PACRG: variants seen among roughly 807,000 people sequenced by gnomAD.
The protein encoded by PACRG is parkin coregulated.
PACRG carries 29 observed loss-of-function variants against 29.7 expected under a neutral mutation model. The observed-to-expected ratio is 0.98, with a 90% CI of 0.73 to 1.33. PACRG has a LOEUF of 1.33. PACRG is among the 40% of genes most tolerant of loss of function. PACRG has a pLI of 0.00. For missense variants in PACRG, 279 were observed against 316.2 expected, an observed-to-expected ratio of 0.88 and a Z score of 0.89; for synonymous variants, 116 against 118.7, an observed-to-expected ratio of 0.98 and a Z score of 0.15.
chr6:162,867,439 T>C (rs771271845), intron 2 of PACRG, among the ~76,000 whole-genome samples: 3 of 152,072 alleles, frequency 2.0e-5, no homozygotes, highest in Non-Finnish European at 2.9e-5. Context: ...GTGGCCTTCA[T>C]CCCCTGCACC....
In PACRG at chr6:162,965,092, G is replaced by C. The variant is rs144611052; in HGVS notation, c.292-97058G>C. Among the ~76,000 whole-genome samples the C allele has an allele frequency of 5.4e-3, 827 of 152,346 alleles. 6 individuals are homozygous for C. Among genetic ancestry groups the C allele is most frequent in the African/African-American group, 0.018 (760 of 41,576 alleles). The stretch of plus-strand genomic sequence containing the variant: ...ACTCACAGCTGGAGTTGGGTAGGGT[G>C]CGAGTAGACACATGGACGAAGGGTT... On this transcript the variant is annotated intron_variant, in intron 2 of 4. Coordinates refer to ENST00000366888, the MANE Select transcript of PACRG (RefSeq NM_001080379.2).
At chr6:163,129,387 C>T (rs928986734) in intron 4 of PACRG, among the ~76,000 whole-genome samples, 16 of 152,158 alleles carry the variant, frequency 1.1e-4, no homozygotes, top group African/African-American at 3.1e-4. Flanking sequence ...TACCTGAGTA[C>T]CTGCCACTGG....
intron 1 of PACRG, among the ~76,000 whole-genome samples, chr6:162,811,717 G>A (rs1477514959): frequency 1.3e-5 from 2 of 152,082 alleles, no homozygotes; most frequent in East Asian, 3.9e-4. Flanking sequence ...ACCTTTAAAG[G>A]TGGATGGGTA....
intron 4 of PACRG, among the ~76,000 whole-genome samples, chr6:163,256,867 C>G (rs552994255): frequency 6.6e-6 from 1 of 152,114 alleles, no homozygotes; most frequent in Non-Finnish European, 1.5e-5. Context: ...GCCAAAAGTC[C>G]GAAATCAAGG....
At chr6:162,820,529 T>A (rs981425073) in intron 2 of PACRG, among the ~76,000 whole-genome samples, 7 of 152,204 alleles carry the variant, frequency 4.6e-5, no homozygotes, top group Non-Finnish European at 8.8e-5. Context: ...TAAATCACAC[T>A]GTGATGTGAT....
chr6:162,762,419 C>T (rs765492272), intron 1 of PACRG, among the ~76,000 whole-genome samples: 1 of 152,174 alleles, frequency 6.6e-6, no homozygotes, highest in Non-Finnish European at 1.5e-5. Flanking sequence ...GGACCTTGAC[C>T]TCCTTGTTAA....
At chr6:162,768,030 G>T (rs1317592002) in intron 1 of PACRG, among the ~76,000 whole-genome samples, 1 of 151,928 alleles carries the variant, frequency 6.6e-6, no homozygotes, top group Non-Finnish European at 1.5e-5. Flanking sequence ...CTTTAAATAG[G>T]TGATTGGAGA....
chr6:162,812,010 G>A (rs1786912896), intron 1 of PACRG, among the ~76,000 whole-genome samples: 1 of 152,078 alleles, frequency 6.6e-6, no homozygotes, highest in Non-Finnish European at 1.5e-5. Context: ...ATTCCAAAGG[G>A]TTACATGTTG....
intron 4 of PACRG, among the ~76,000 whole-genome samples, chr6:163,250,546 G>A (rs1394949145): frequency 6.6e-6 from 1 of 152,132 alleles, no homozygotes; most frequent in African/African-American, 2.4e-5. Context: ...CAAGGTAAAC[G>A]ATCATATCGT....
At chr6:163,083,858 T>A (rs1473442081) in intron 3 of PACRG, among the ~76,000 whole-genome samples, 2 of 152,138 alleles carry the variant, frequency 1.3e-5, no homozygotes, top group African/African-American at 4.8e-5. Flanking sequence ...TTTTTCCTGA[T>A]ACCACAATAG....
chr6:162,991,746 G>A (rs1246601070), intron 2 of PACRG, among the ~76,000 whole-genome samples: 4 of 119,080 alleles, frequency 3.4e-5, no homozygotes, highest in Non-Finnish European at 3.3e-5. Context: ...TCTCCTGCCT[G>A]ATTGCCCTGG....
intron 4 of PACRG, among the ~76,000 whole-genome samples, chr6:163,298,474 A>G (rs983173664): frequency 4.6e-5 from 7 of 152,252 alleles, no homozygotes; most frequent in Admixed American, 1.3e-4. Context: ...TGAACAATCA[A>G]TGTGGCAGCC....
At chr6:162,770,493 A>AT (rs559621680) in intron 1 of PACRG, among the ~76,000 whole-genome samples, 31 of 152,214 alleles carry the variant, frequency 2.0e-4, no homozygotes, top group African/African-American at 7.5e-4. Context: ...GCTTTGTTCA[A>AT]TTTTTCAAGC....
chr6:162,776,818 TA>T (rs1309750616), intron 1 of PACRG, among the ~76,000 whole-genome samples: 1 of 152,226 alleles, frequency 6.6e-6, no homozygotes, highest in African/African-American at 2.4e-5. Context: ...ACCCGCTAAG[TA>T]CTCAGGTAAA....
chr6:163,095,664 C>T (rs993366866), intron 4 of PACRG, among the ~76,000 whole-genome samples: 4 of 152,124 alleles, frequency 2.6e-5, no homozygotes, highest in Non-Finnish European at 4.4e-5. Context: ...ACTCCAGTCC[C>T]GCCCCATCTT....
intron 4 of PACRG, among the ~76,000 whole-genome samples, chr6:163,134,931 AC>A (rs1246117073): frequency 6.6e-6 from 1 of 151,952 alleles, no homozygotes; most frequent in Non-Finnish European, 1.5e-5. Flanking sequence ...CCACCTGTGG[AC>A]CCCTCCTGTA....
intron 1 of PACRG, among the ~76,000 whole-genome samples, chr6:162,751,541 G>T (rs946296606): frequency 8.6e-5 from 13 of 152,014 alleles, no homozygotes; most frequent in Non-Finnish European, 1.5e-5. Context: ...TTTACATTCA[G>T]TTGGAAATTT....
At chr6:163,164,114 AT>A (rs1257891205) in intron 4 of PACRG, among the ~76,000 whole-genome samples, 6 of 152,330 alleles carry the variant, frequency 3.9e-5, no homozygotes, top group African/African-American at 9.6e-5. Context: ...CTTAAAAAAA[AT>A]AAGATGTAAA....
In PACRG at chr6:163,210,688, G is replaced by T. The variant is rs77804168; in HGVS notation, c.614-104139G>T. Among the ~76,000 whole-genome samples, 395 of 152,314 alleles carry T rather than the reference G, an allele frequency of 2.6e-3. 1 individual carries two copies. The highest frequency in any genetic ancestry group is 9.2e-3 in the African/African-American group (383 of 41,572). Reference sequence around the variant, plus strand: ...ACATGTATCTCTTCCCCTTACTTTTGCTGAGAACAAAATAATTTCTGTTCT... The same window carrying T: ...ACATGTATCTCTTCCCCTTACTTTTTCTGAGAACAAAATAATTTCTGTTCT... On this transcript the variant is annotated intron_variant, in intron 4 of 4. Transcript: ENST00000366888.
Sources: gnomAD v4.1 joint callset for allele counts (sites outside exome capture counted in the v4.1 genomes callset) on GRCh38, gnomAD v4.1.1 for gene constraint, MANE v1.5 for transcripts, NCBI Gene and HGNC (gene_info 2026-07-23, HGNC 2026-07-21) for gene names.